Variants in GRIN2A observed in about 807,000 individuals in gnomAD.
The protein encoded by GRIN2A is glutamate ionotropic receptor NMDA type subunit 2A.
Under a neutral mutation model 113.4 loss-of-function variants are expected in GRIN2A, and 22 were observed. That is an observed-to-expected ratio of 0.19 (90% CI 0.14 to 0.28). The LOEUF (loss-of-function observed/expected upper bound fraction) is 0.28, where lower values mean the gene tolerates loss of function less well. Ranked by LOEUF, GRIN2A falls within the 10% of genes least tolerant of loss-of-function variation. The pLI is 1.00. For missense variants in GRIN2A, 1,502 were observed against 1,887.0 expected (o/e 0.80, Z 3.78); for synonymous variants, 827 against 738.4 (o/e 1.12, Z -1.94).
intron 2 of GRIN2A, among the ~76,000 whole-genome samples, chr16:10,120,682 T>G (rs2048815815): frequency 6.6e-6 from 1 of 152,282 alleles, no homozygotes; most frequent in East Asian, 1.9e-4. Context: ...ACAGATCTTC[T>G]CTCTGGAAGA....
intron 2 of GRIN2A, among the ~76,000 whole-genome samples, chr16:10,056,446 C>A (rs1301950105): frequency 1.3e-5 from 2 of 152,178 alleles, no homozygotes; most frequent in African/African-American, 4.8e-5. Flanking sequence ...ACCCATTAAG[C>A]CACCTTCCAT....
At chr16:10,162,102 C>A (rs1456065800) in intron 2 of GRIN2A, among the ~76,000 whole-genome samples, 1 of 152,156 alleles carries the variant, frequency 6.6e-6, no homozygotes, top group African/African-American at 2.4e-5. Context: ...CTGCCTACCA[C>A]ACCCCCTAGG....
At chr16:10,081,361 C>T (rs565184627) in intron 2 of GRIN2A, among the ~76,000 whole-genome samples, 1 of 152,320 alleles carries the variant, frequency 6.6e-6, no homozygotes, top group South Asian at 2.1e-4. Context: ...CTTCTAAGTT[C>T]TGCTCCTTAC....
chr16:10,128,585 G>C (rs2048995093), intron 2 of GRIN2A, among the ~76,000 whole-genome samples: 1 of 152,198 alleles, frequency 6.6e-6, no homozygotes, highest in Non-Finnish European at 1.5e-5. Context: ...CTAGAGGTGG[G>C]CAGCACCCTC....
At chr16:10,021,406 A>G (rs117998690) in intron 2 of GRIN2A, among the ~76,000 whole-genome samples, 3,635 of 152,300 alleles carry the variant, frequency 0.024, 70 homozygotes, top group Middle Eastern at 0.075. Context: ...GGCTTGCCCA[A>G]TATCCCAGCA....
At chr16:9,993,072 C>CAAA (rs2046153776) in intron 2 of GRIN2A, among the ~76,000 whole-genome samples, 1 of 147,626 alleles carries the variant, frequency 6.8e-6, no homozygotes, top group Non-Finnish European at 1.5e-5. Flanking sequence ...AAAAAAAAAC[C>CAAA]CCAAAAAATT....
At chr16:9,814,859 A>C (rs1396024723) in intron 10 of GRIN2A, among the ~76,000 whole-genome samples, 1 of 151,994 alleles carries the variant, frequency 6.6e-6, no homozygotes, top group African/African-American at 2.4e-5. Context: ...ATCTCTACTA[A>C]AAAATACAAA....
chr16:9,925,445 GC>G (rs1338285970), intron 3 of GRIN2A, among the ~76,000 whole-genome samples: 8 of 152,136 alleles, frequency 5.3e-5, no homozygotes, highest in African/African-American at 1.9e-4. Flanking sequence ...ACTAAGGTGG[GC>G]CTTAGGCAGA....
At chr16:10,109,689 C>G (rs1489571112) in intron 2 of GRIN2A, among the ~76,000 whole-genome samples, 1 of 148,858 alleles carries the variant, frequency 6.7e-6, no homozygotes, top group Non-Finnish European at 1.5e-5. Flanking sequence ...AATGGCACAA[C>G]AGTGTGACTA....
intron 4 of GRIN2A, among the ~76,000 whole-genome samples, chr16:9,888,298 A>G (rs191090774): frequency 2.0e-4 from 31 of 152,336 alleles, no homozygotes; most frequent in Non-Finnish European, 4.3e-4. Context: ...ATTTTGATGA[A>G]GTACAGTTTA....
intron 2 of GRIN2A, among the ~76,000 whole-genome samples, chr16:10,060,379 G>C (rs2047530861): frequency 1.3e-5 from 2 of 152,112 alleles, no homozygotes. Context: ...AGCCCCTACT[G>C]TGACCTATCT....
At chr16:9,899,824 T>C (rs1178718495) in intron 3 of GRIN2A, among the ~76,000 whole-genome samples, 3 of 152,214 alleles carry the variant, frequency 2.0e-5, no homozygotes, top group Non-Finnish European at 4.4e-5. Flanking sequence ...CATAGGTCTC[T>C]AGGATCCTGC....
At chr16:9,937,268 T>C (rs1199276700) in intron 3 of GRIN2A, among the ~76,000 whole-genome samples, 1 of 151,764 alleles carries the variant, frequency 6.6e-6, no homozygotes, top group Non-Finnish European at 1.5e-5. Flanking sequence ...AAAAAAAACA[T>C]AGAAAGAATG....
At position 10,009,125 on chromosome 16, in the gene GRIN2A, T is replaced by A. The variant is rs138532673; in HGVS notation, c.415-70574A>T. On this transcript the variant is annotated intron_variant, in intron 2 of 12. Transcript: ENST00000330684. ...GTCAATTTGCTGGTAAGTGACCACT[T>A]TGATCCATAAAGAAGGTGATTTTGA... Among the ~76,000 whole-genome samples, 168 of 152,306 alleles carry A rather than the reference T, an allele frequency of 1.1e-3. 1 individual carries two copies. The highest frequency in any genetic ancestry group is 4.8e-3 in the Admixed American group (73 of 15,302).
chr16:9,999,897 A>G (rs1596403821), intron 2 of GRIN2A, among the ~76,000 whole-genome samples: 1 of 152,176 alleles, frequency 6.6e-6, no homozygotes, highest in Non-Finnish European at 1.5e-5. Context: ...CTGAGGTCAT[A>G]AATTCTAAAT....
chr16:9,842,210 C>T (rs2042692709), intron 5 of GRIN2A, among the ~76,000 whole-genome samples: 1 of 151,514 alleles, frequency 6.6e-6, no homozygotes. Flanking sequence ...AATATCATGC[C>T]GTTGTACTCA....
chr16:9,840,696 A>G lies in GRIN2A; in HGVS notation c.1602T>C (p.Ser534=), dbSNP rs2141342406. 2 of 1,613,172 alleles carry G rather than the reference A, an allele frequency of 1.2e-6. No homozygotes were observed. The highest frequency in any genetic ancestry group is 2.2e-5 in the South Asian group (2 of 91,026). The change falls in exon 7 of 13, where the codon AGT becomes AGC. Residue 534 remains serine (S), a synonymous_variant. Transcript: ENST00000330684. ...TGCCATTACTTCTTGAAACCATGAC[A>G]CTGATTCCCGTTTCCACAAAGGGCA... is the stretch of plus-strand genomic sequence containing the variant. ...FSVPFVETGI[S]VMVSRSNGTV...
intron 2 of GRIN2A, among the ~76,000 whole-genome samples, chr16:9,968,042 T>C (rs1239734437): frequency 6.6e-6 from 1 of 152,142 alleles, no homozygotes; most frequent in African/African-American, 2.4e-5. Flanking sequence ...TTATCTCACG[T>C]AAACCTCCAG....
In GRIN2A at chr16:9,938,554, G is replaced by A. The variant is rs1412478589; in HGVS notation, c.415-3C>T. 1 of 1,600,084 alleles carries A rather than the reference G, an allele frequency of 6.2e-7. No homozygotes were observed. The highest frequency in any genetic ancestry group is 1.1e-5 in the South Asian group (1 of 91,056). On this transcript the variant is annotated splice_polypyrimidine_tract_variant and splice_region_variant and intron_variant, in intron 2 of 12. Coordinates refer to ENST00000330684, the MANE Select transcript of GRIN2A (RefSeq NM_001134407.3). Reference sequence around the variant, plus strand: ...TGGAAGAAGGTAGACGTCGGATCCTGCCAGTGAAAAGAAAGTAAAACAGAG... The same window carrying A: ...TGGAAGAAGGTAGACGTCGGATCCTACCAGTGAAAAGAAAGTAAAACAGAG...
Sources: allele counts gnomAD v4.1 joint callset (sites outside exome capture counted in the v4.1 genomes callset), GRCh38; gene constraint gnomAD v4.1.1; transcripts MANE v1.5; gene names NCBI Gene and HGNC (gene_info 2026-07-23, HGNC 2026-07-21).